Variants in GABPA observed in about 807,000 individuals in gnomAD.
GABPA encodes GA-binding protein alpha chain.
Under a neutral mutation model 59.4 loss-of-function variants are expected in GABPA, and 4 were observed. That is an observed-to-expected ratio of 0.07 (90% CI 0.03 to 0.15). GABPA has a LOEUF of 0.15. Ranked by LOEUF, GABPA falls within the 10% of genes least tolerant of loss-of-function variation. GABPA has a pLI of 1.00. For synonymous variants in GABPA, 164 were observed against 183.1 expected (o/e 0.90, Z 0.84); for missense variants, 251 against 543.8 (o/e 0.46, Z 5.36).
chr21:25,765,804 A>C (rs1379954677), intron 9 of GABPA, among the ~76,000 whole-genome samples: 2 of 151,948 alleles, frequency 1.3e-5, no homozygotes, highest in African/African-American at 4.8e-5. Context: ...AGTCCCCTCA[A>C]AATTACAGGT....
At chr21:25,758,673 T>C (rs2035693793) in intron 6 of GABPA, among the ~76,000 whole-genome samples, 2 of 152,346 alleles carry the variant, frequency 1.3e-5, no homozygotes, top group South Asian at 4.1e-4. Flanking sequence ...AGATTAAATC[T>C]TTTTTGAAGT....
chr21:25,756,560 G>A (rs942657936), intron 5 of GABPA, among the ~76,000 whole-genome samples: 8 of 152,160 alleles, frequency 5.3e-5, no homozygotes, highest in African/African-American at 1.9e-4. Flanking sequence ...GCTTTTTAGC[G>A]TTGCTTTCAT....
chr21:25,749,324 A>T (rs895480005), intron 4 of GABPA, among the ~76,000 whole-genome samples: 4 of 152,206 alleles, frequency 2.6e-5, no homozygotes, highest in African/African-American at 9.7e-5. Flanking sequence ...TCATAAAAGG[A>T]TATATTATAT....
In GABPA at chr21:25,771,934, TG is replaced by T. The variant is rs1279897342; in HGVS notation, c.*2703del. 6.6e-6 allele frequency: 1 copy of T among 152,118 alleles called. No homozygotes were observed. The highest frequency in any genetic ancestry group is 1.5e-5 in the Non-Finnish European group (1 of 67,916). 9.4% of individuals were successfully genotyped at this position (152,118 alleles called of 1,614,324 possible). On this transcript the variant is annotated 3_prime_UTR_variant, in exon 10 of 10. Coordinates refer to ENST00000400075, the MANE Select transcript of GABPA (RefSeq NM_002040.4). ...TAAATTGACTGATCACAGTTATTTT[TG>T]TATCAGTCTATGTTATTAGGAAAAA...
rs143135180 is a variant in GABPA, at chr21:25,754,052, A to C, written c.553+1818A>C. ...CTGTCCCTCCGCTGCCCAGTACTGT[A>C]GCCACTAATCACACGTCAGCACTTG... On this transcript the variant is annotated intron_variant, in intron 5 of 9. Coordinates refer to ENST00000400075, the MANE Select transcript of GABPA (RefSeq NM_002040.4). Among the ~76,000 whole-genome samples, 32 of 152,336 alleles carry C rather than the reference A, an allele frequency of 2.1e-4. No individual in the cohort carries two copies. In the East Asian group the frequency reaches 6.0e-3, roughly 28 times the overall value.
rs530410563 is a variant in GABPA at position 25,735,979 on chromosome 21, C to T, written c.-27+401C>T. On this transcript the variant is annotated intron_variant, in intron 1 of 9. Coordinates refer to ENST00000400075, the MANE Select transcript of GABPA (RefSeq NM_002040.4). The stretch of plus-strand genomic sequence containing the variant: ...AGATTTTAAGAGCAAAATGCAGACC[C>T]TGTCTCATCGCGGGACTCAGCGATT... Among the ~76,000 whole-genome samples, 99 of 152,320 alleles carry T rather than the reference C, an allele frequency of 6.5e-4. 1 individual carries two copies. Among genetic ancestry groups the T allele is most frequent in the Non-Finnish European group, 1.2e-3 (79 of 68,024 alleles).
At chr21:25,764,443 T>C in intron 8 of GABPA, 93 bp downstream of exon 8, 2 of 1,428,116 alleles carry the variant, frequency 1.4e-6, no homozygotes, top group South Asian at 1.3e-5. Context: ...GAATTTGGAC[T>C]ATCCCTCTGG....
intron 9 of GABPA, among the ~76,000 whole-genome samples, chr21:25,768,433 G>A (rs972156253): frequency 6.6e-6 from 1 of 151,882 alleles, no homozygotes; most frequent in Admixed American, 6.6e-5. Flanking sequence ...TGGAATATAT[G>A]TATTAATTTT....
intron 1 of GABPA, among the ~76,000 whole-genome samples, chr21:25,737,149 G>A (rs2035092680): frequency 6.6e-6 from 1 of 152,156 alleles, no homozygotes; most frequent in Non-Finnish European, 1.5e-5. Context: ...GAAACATTCC[G>A]AACCCCAGGT....
chr21:25,769,787 A>C lies in GABPA; in HGVS notation c.*555A>C, dbSNP rs756950890. On this transcript the variant is annotated 3_prime_UTR_variant, in exon 10 of 10. Coordinates refer to ENST00000400075, the MANE Select transcript of GABPA (RefSeq NM_002040.4). ...AAACTAAGAGTATCAGGTTATTTAT[A>C]TATTTGCAAGCAAAGGACAGTAAGA... 6.6e-6 allele frequency: 1 copy of C among 152,662 alleles called. No individual in the cohort carries two copies. Among genetic ancestry groups the C allele is most frequent in the African/African-American group, 2.4e-5 (1 of 41,452 alleles). The allele number at this position is 152,662 out of a possible 1,614,324, so 9.5% of individuals were successfully genotyped here. A position where few individuals can be genotyped will look rare whatever the true frequency, so the allele number is the denominator to read the frequency against.
In GABPA at chr21:25,766,597, C is replaced by T. The variant is rs370177488; in HGVS notation, c.1136+1810C>T. ...GCCAATGAATATATGCAAAGGTGTA[C>T]GGCCTCATTAGTATTCAGAGTAATG... On this transcript the variant is annotated intron_variant, in intron 9 of 9. Coordinates refer to ENST00000400075, the MANE Select transcript of GABPA (RefSeq NM_002040.4). 7.9e-5 allele frequency among the ~76,000 whole-genome samples: 12 copies of T among 151,936 alleles called. No individual in the cohort carries two copies. The East Asian group carries it at 1.5e-3, about 20-fold the overall frequency.
chr21:25,743,449 C>G (rs1295715156), intron 2 of GABPA, among the ~76,000 whole-genome samples: 1 of 152,038 alleles, frequency 6.6e-6, no homozygotes, highest in East Asian at 1.9e-4. Context: ...ACTATCTGAC[C>G]TTTTGTGGAT....
In GABPA at chr21:25,772,271, A is replaced by G. The variant is rs774332456; in HGVS notation, c.*3039A>G. Reference sequence around the variant, plus strand: ...TTGTAAATGGGAGGAGGACTTTTGCATACATTTTTACTCTTTAAATAACGA... The same window carrying G: ...TTGTAAATGGGAGGAGGACTTTTGCGTACATTTTTACTCTTTAAATAACGA... On this transcript the variant is annotated 3_prime_UTR_variant, in exon 10 of 10. Transcript: ENST00000400075. The G allele has an allele frequency of 2.6e-5, 4 of 152,124 alleles. No individual in the cohort carries two copies. Among genetic ancestry groups the G allele is most frequent in the Admixed American group, 6.5e-5 (1 of 15,282 alleles). 9.4% of individuals were successfully genotyped at this position (152,124 alleles called of 1,614,324 possible).
At position 25,770,550 on chromosome 21, in the gene GABPA, A is replaced by G. The variant is rs1189476607; in HGVS notation, c.*1318A>G. The G allele has an allele frequency of 3.3e-5, 5 of 152,132 alleles. No homozygotes were observed. The highest frequency in any genetic ancestry group is 6.6e-5 in the Admixed American group (1 of 15,258). 9.4% of individuals were successfully genotyped at this position (152,132 alleles called of 1,614,324 possible). A position where few individuals can be genotyped will look rare whatever the true frequency, so the allele number is the denominator to read the frequency against. ...ACGAATTATTACATGAGACTGGCAGATAGCTATTAATCCTCTTACAGATTT... is the reference window on the plus strand; with the variant it reads ...ACGAATTATTACATGAGACTGGCAGGTAGCTATTAATCCTCTTACAGATTT... On this transcript the variant is annotated 3_prime_UTR_variant, in exon 10 of 10. Transcript: ENST00000400075.
chr21:25,767,036 A>T (rs1054263236), intron 9 of GABPA, among the ~76,000 whole-genome samples: 1 of 152,026 alleles, frequency 6.6e-6, no homozygotes, highest in South Asian at 2.1e-4. Context: ...ATTCTGTATG[A>T]TTACATTTAT....
intron 7 of GABPA, 29 bp from the exon 8 acceptor site, chr21:25,764,181 A>G (rs1366311186): frequency 2.6e-6 from 4 of 1,533,264 alleles, no homozygotes; most frequent in Admixed American, 2.2e-5. Context: ...ATTGGAAGAA[A>G]AAAAATTTCT....
intron 1 of GABPA, 84 bp from the exon 2 acceptor site, chr21:25,741,489 T>G: frequency 1.7e-6 from 1 of 574,190 alleles, no homozygotes; most frequent in Non-Finnish European, 2.9e-6. Context: ...CGTTTGCTTT[T>G]TATTTGGATT....
chr21:25,764,375 A>G (rs763730051), intron 8 of GABPA, 25 bp downstream of exon 8: 6 of 1,565,708 alleles, frequency 3.8e-6, no homozygotes, highest in South Asian at 1.2e-5. Context: ...TCTTGTATTT[A>G]TAAAATATAT....
chr21:25,745,139 T>G (rs2123504822), intron 2 of GABPA, 71 bp from the exon 3 acceptor site: 1 of 1,532,066 alleles, frequency 6.5e-7, no homozygotes, highest in Non-Finnish European at 8.9e-7. Context: ...GGATTGTGTT[T>G]TTAGCATATT....
Sources: allele counts gnomAD v4.1 joint callset (sites outside exome capture counted in the v4.1 genomes callset), GRCh38; gene constraint gnomAD v4.1.1; transcripts MANE v1.5; gene names NCBI Gene and HGNC (gene_info 2026-07-23, HGNC 2026-07-21).